The following POLR3B variants were observed in gnomAD, a reference collection of about 807,000 sequenced individuals.
POLR3B encodes RNA polymerase III subunit B, also known as DNA-directed RNA polymerase III subunit RPC2.
In POLR3B, 96 loss-of-function variants were observed where a neutral mutation model predicts 147.4. The observed-to-expected ratio is 0.65, with a 90% CI of 0.55 to 0.77. The LOEUF is 0.77. Among genes scored for constraint, POLR3B ranks in the 30% least tolerant of loss-of-function variants. The pLI is 0.00. For missense variants in POLR3B, 1,036 were observed against 1,413.5 expected (o/e 0.73, Z 4.28); for synonymous variants, 461 against 485.9 (o/e 0.95, Z 0.67).
At chr12:106,366,840 T>C in intron 4 of POLR3B, 118 bp downstream of exon 4, 2 of 844,452 alleles carry the variant, frequency 2.4e-6, no homozygotes, top group African/African-American at 1.7e-5. Flanking sequence ...CGGTGGCTTA[T>C]GCCTGTAATA....
intron 16 of POLR3B, 99 bp downstream of exon 16, chr12:106,433,971 C>G: frequency 1.1e-6 from 1 of 950,262 alleles, no homozygotes; most frequent in Non-Finnish European, 1.6e-6. Flanking sequence ...GTTTTAACCT[C>G]TTTCATTGTG....
chr12:106,431,225 G>A (rs1414361739), intron 14 of POLR3B, among the ~76,000 whole-genome samples: 2 of 152,126 alleles, frequency 1.3e-5, no homozygotes, highest in African/African-American at 4.8e-5. Flanking sequence ...GATGAAAATA[G>A]GAGTCTGTAT....
At position 106,357,957 on chromosome 12, in the gene POLR3B, T is replaced by C; in HGVS notation, c.72+6T>C. On this transcript the variant is annotated splice_donor_region_variant and intron_variant, in intron 1 of 27. Coordinates refer to ENST00000228347, the MANE Select transcript of POLR3B (RefSeq NM_018082.6). ...CGCCGATCCCGACTGTAGAGGTCAGTGCCAGGCACGCAGGGAGCGTCAGGG... is the reference window on the plus strand; with the variant it reads ...CGCCGATCCCGACTGTAGAGGTCAGCGCCAGGCACGCAGGGAGCGTCAGGG... The C allele has an allele frequency of 6.2e-7, 1 of 1,612,368 alleles. No homozygotes were observed. The highest frequency in any genetic ancestry group is 2.2e-5 in the East Asian group (1 of 44,860).
chr12:106,426,517 A>T (rs1052008705), intron 12 of POLR3B, among the ~76,000 whole-genome samples: 1 of 151,972 alleles, frequency 6.6e-6, no homozygotes, highest in Non-Finnish European at 1.5e-5. Context: ...GGGTTTCACC[A>T]TCTTGGCCAG....
chr12:106,434,122 A>G (rs973063974), intron 16 of POLR3B, among the ~76,000 whole-genome samples: 4 of 152,274 alleles, frequency 2.6e-5, no homozygotes, highest in African/African-American at 7.2e-5. Flanking sequence ...ATAACAATCA[A>G]CTGTGGTAGT....
chr12:106,424,038 G>A (rs1024703504), intron 12 of POLR3B, among the ~76,000 whole-genome samples: 3 of 151,980 alleles, frequency 2.0e-5, no homozygotes, highest in African/African-American at 4.8e-5. Context: ...TGTATTTTTA[G>A]TAGAGATGGG....
chr12:106,456,147 G>A (rs1253636513), intron 20 of POLR3B, among the ~76,000 whole-genome samples: 1 of 152,012 alleles, frequency 6.6e-6, no homozygotes, highest in Non-Finnish European at 1.5e-5. Flanking sequence ...ATAACTGCTT[G>A]GCCAAAGGGA....
At position 106,504,228 on chromosome 12, in the gene POLR3B, G is replaced by A; in HGVS notation, c.3246G>A (p.Gln1082=). ...SDAFEVDVCG[Q]CGLLGYSGWC... ...CCTTTGAGGTTGATGTCTGTGGGCA[G>A]TGTGGACTTCTGGGGTATTCTGGCT... The change falls in exon 27 of 28, where the codon CAG becomes CAA. Residue 1082 remains glutamine (Q), a synonymous_variant. Coordinates refer to ENST00000228347, the MANE Select transcript of POLR3B (RefSeq NM_018082.6). This position sits in a 1 kb window ranked among gnomAD's most constrained non-coding sequence, Gnocchi z 4.6. 1 of 1,614,190 alleles carries A rather than the reference G, an allele frequency of 6.2e-7. No homozygotes were observed. Among genetic ancestry groups the A allele is most frequent in the Non-Finnish European group, 8.5e-7 (1 of 1,180,010 alleles).
At chr12:106,477,905 T>C (rs1401576368) in intron 23 of POLR3B, among the ~76,000 whole-genome samples, 8 of 123,004 alleles carry the variant, frequency 6.5e-5, no homozygotes, top group African/African-American at 2.1e-4. Flanking sequence ...TTTTTTTTTT[T>C]TTTTTTTTTT....
chr12:106,478,811 A>G (rs529102497), intron 23 of POLR3B, among the ~76,000 whole-genome samples: 2 of 152,318 alleles, frequency 1.3e-5, no homozygotes, highest in African/African-American at 2.4e-5. Flanking sequence ...AAAAAAAACC[A>G]TCAGTCCTTG....
intron 10 of POLR3B, among the ~76,000 whole-genome samples, chr12:106,403,114 A>T (rs1314785107): frequency 3.2e-3 from 479 of 151,790 alleles, no homozygotes; most frequent in African/African-American, 0.011. Flanking sequence ...AATTTACAAG[A>T]AAAAAACAAA....
At chr12:106,403,574 C>T (rs988669393) in intron 10 of POLR3B, among the ~76,000 whole-genome samples, 2 of 151,942 alleles carry the variant, frequency 1.3e-5, no homozygotes, top group Non-Finnish European at 1.5e-5. Flanking sequence ...TGTCCAACAA[C>T]AATAGACTGG....
intron 5 of POLR3B, 93 bp from the exon 6 acceptor site, chr12:106,369,490 A>C (rs7135054): frequency 1.0e-6 from 1 of 968,634 alleles, no homozygotes. Context: ...TTCAATGTGG[A>C]CCATAATTCT....
At chr12:106,506,406 C>T (rs2038688727) in intron 27 of POLR3B, among the ~76,000 whole-genome samples, 2 of 152,102 alleles carry the variant, frequency 1.3e-5, no homozygotes, top group South Asian at 4.1e-4. Flanking sequence ...CCTCCCTCTC[C>T]CCACCCCCGG....
chr12:106,429,211 G>A (rs921428809), intron 13 of POLR3B, among the ~76,000 whole-genome samples: 2 of 152,220 alleles, frequency 1.3e-5, no homozygotes, highest in Non-Finnish European at 2.9e-5. Context: ...GGAGTACAGT[G>A]GTGCAATCTC....
chr12:106,400,686 C>T (rs1446504813), intron 10 of POLR3B, among the ~76,000 whole-genome samples: 2 of 152,208 alleles, frequency 1.3e-5, no homozygotes, highest in African/African-American at 2.4e-5. Context: ...CAAAACCGCT[C>T]AACTACATGG....
intron 18 of POLR3B, among the ~76,000 whole-genome samples, chr12:106,442,982 A>C (rs1457436312): frequency 6.6e-6 from 1 of 152,242 alleles, no homozygotes; most frequent in Non-Finnish European, 1.5e-5. Context: ...GTAAAATCTT[A>C]CTTTGTGTCC....
intron 11 of POLR3B, among the ~76,000 whole-genome samples, chr12:106,407,843 C>G (rs966923613): frequency 1.3e-4 from 19 of 151,858 alleles, no homozygotes; most frequent in Non-Finnish European, 2.8e-4. Context: ...AAAAAAAAAT[C>G]ATTTGTGCTT....
At chr12:106,453,051 G>T (rs576468866) in intron 19 of POLR3B, among the ~76,000 whole-genome samples, 1 of 147,600 alleles carries the variant, frequency 6.8e-6, no homozygotes, top group African/African-American at 2.5e-5. Context: ...TTGAGACAGG[G>T]TCTTGCTCTA....
Sources: allele counts gnomAD v4.1 joint callset (sites outside exome capture counted in the v4.1 genomes callset), GRCh38; gene constraint gnomAD v4.1.1; non-coding constraint Gnocchi (gnomAD v3.1); transcripts MANE v1.5; gene names NCBI Gene and HGNC (gene_info 2026-07-23, HGNC 2026-07-21).